TPO: variants seen among roughly 807,000 people sequenced by gnomAD.
The protein encoded by TPO is thyroid microsomal antigen.
In TPO, 78 loss-of-function variants were observed where a neutral mutation model predicts 96.9. The observed-to-expected ratio is 0.81, with a 90% CI of 0.67 to 0.97. The LOEUF (loss-of-function observed/expected upper bound fraction) is 0.97, where lower values mean the gene tolerates loss of function less well. Ranked by LOEUF, TPO falls within the 50% of genes least tolerant of loss-of-function variation. The pLI, the probability that TPO is intolerant of heterozygous loss-of-function variation, is 0.00. For missense variants in TPO, 1,252 were observed against 1,274.8 expected (o/e 0.98, Z 0.27); for synonymous variants, 547 against 538.0 (o/e 1.02, Z -0.23).
At chr2:1,444,175 CTCCTTCTTGTT>C (rs1307648091) in intron 5 of TPO, among the ~76,000 whole-genome samples, 2 of 131,046 alleles carry the variant, frequency 1.5e-5, no homozygotes, top group Admixed American at 1.5e-4. Flanking sequence ...ATGGGGCAGG[CTCCTTCTTGTT>C]TATATGATCC....
Position 1,477,239 on chromosome 2 carries a change from G to T in TPO, c.973G>T (p.Asp325Tyr), listed in dbSNP as rs779278018. The stretch of plus-strand genomic sequence containing the variant: ...GATGAACGGGTTGACCTCGTTCCTG[G>T]ACGCGTCCACCGTGTATGGCAGCTC... ...QQMNGLTSFL[D>Y]ASTVYGSSPA... The change falls in exon 8 of 17, where the codon GAC becomes TAC. Residue 325 changes from aspartate to tyrosine, a missense_variant. Coordinates refer to ENST00000329066, the MANE Select transcript of TPO (RefSeq NM_001206744.2). 6.2e-7 allele frequency: 1 copy of T among 1,608,704 alleles called. No homozygotes were observed. The highest frequency in any genetic ancestry group is 2.2e-5 in the East Asian group (1 of 44,666).
chr2:1,512,631 C>T (rs1674276635), intron 14 of TPO, among the ~76,000 whole-genome samples: 2 of 152,356 alleles, frequency 1.3e-5, no homozygotes, highest in African/African-American at 4.8e-5. Flanking sequence ...AAGCAGCTGG[C>T]TGCCTCCGAG....
chr2:1,474,560 T>C (rs10177597), intron 7 of TPO, among the ~76,000 whole-genome samples: 80,061 of 152,082 alleles, frequency 0.53, 21,194 homozygotes, highest in African/African-American at 0.6. Flanking sequence ...CCACCGTCAA[T>C]GCCATCTGAC....
intron 2 of TPO, among the ~76,000 whole-genome samples, chr2:1,422,181 A>G (rs981865691): frequency 3.9e-5 from 6 of 152,208 alleles, no homozygotes; most frequent in African/African-American, 1.4e-4. Context: ...TGGGTGGCCA[A>G]TGGAACAGAC....
chr2:1,394,916 T>C (rs2148364217), intron 1 of TPO, among the ~76,000 whole-genome samples: 1 of 152,244 alleles, frequency 6.6e-6, no homozygotes, highest in African/African-American at 2.4e-5. Flanking sequence ...GATTCCAGGC[T>C]CCTAGTCACC....
chr2:1,376,429 T>A (rs1367827474), intron 1 of TPO, among the ~76,000 whole-genome samples: 3 of 152,224 alleles, frequency 2.0e-5, no homozygotes, highest in Non-Finnish European at 2.9e-5. Flanking sequence ...AGATTCAATT[T>A]CCACTTAGCC....
At chr2:1,481,513 G>A (rs749686322) in intron 8 of TPO, among the ~76,000 whole-genome samples, 16 of 152,194 alleles carry the variant, frequency 1.1e-4, no homozygotes, top group Admixed American at 1.3e-4. Flanking sequence ...TGCTTTGGAT[G>A]TGTGTGGAGG....
At chr2:1,390,527 T>A (rs922445155) in intron 1 of TPO, among the ~76,000 whole-genome samples, 1 of 152,206 alleles carries the variant, frequency 6.6e-6, no homozygotes, top group African/African-American at 2.4e-5. Flanking sequence ...TGATTTATAA[T>A]CCTTTGGGAA....
At chr2:1,476,202 G>C (rs1303549820) in intron 7 of TPO, among the ~76,000 whole-genome samples, 1 of 152,182 alleles carries the variant, frequency 6.6e-6, no homozygotes, top group African/African-American at 2.4e-5. Flanking sequence ...TTCAGGAAGA[G>C]TCTCTTTCGG....
chr2:1,530,202 TC>T (rs1558421619), intron 15 of TPO, among the ~76,000 whole-genome samples: 2 of 10,192 alleles, frequency 2.0e-4, no homozygotes, highest in South Asian at 5.5e-3. Flanking sequence ...CCCAAATCCC[TC>T]CCACTGTGTG....
chr2:1,523,018 CAACTCTGTG>C (rs1675524065), intron 15 of TPO, among the ~76,000 whole-genome samples: 2 of 148,564 alleles, frequency 1.3e-5, no homozygotes, highest in East Asian at 2.0e-4. Context: ...CAGATCCCCC[CAACTCTGTG>C]CAACCTCCCC....
chr2:1,426,154 A>G (rs1204036626), intron 3 of TPO, among the ~76,000 whole-genome samples: 10 of 140,796 alleles, frequency 7.1e-5, no homozygotes, highest in Middle Eastern at 4.6e-3. Context: ...TCTAGATGCC[A>G]GGATACAGAG....
At chr2:1,512,746 A>T (rs1674292104) in intron 14 of TPO, among the ~76,000 whole-genome samples, 2 of 152,148 alleles carry the variant, frequency 1.3e-5, no homozygotes, top group African/African-American at 4.8e-5. Context: ...CTGATGGTGG[A>T]CGATGGTGGA....
At chr2:1,521,676 A>C (rs903593074) in intron 15 of TPO, among the ~76,000 whole-genome samples, 7 of 152,122 alleles carry the variant, frequency 4.6e-5, no homozygotes, top group Non-Finnish European at 8.8e-5. Flanking sequence ...TAGAGTGGCC[A>C]GCCTGGGCTA....
At chr2:1,537,477 CTT>C (rs56201317) in intron 15 of TPO, among the ~76,000 whole-genome samples, 5,529 of 109,752 alleles carry the variant, frequency 0.05, 8 homozygotes, top group African/African-American at 0.054. Flanking sequence ...TCCTCAAATT[CTT>C]CCACTCTGTG....
chr2:1,405,106 A>T (rs920662640), intron 1 of TPO, among the ~76,000 whole-genome samples: 1 of 96,508 alleles, frequency 1.0e-5, no homozygotes. Flanking sequence ...CCATCCACCC[A>T]TTCAATCATC....
intron 5 of TPO, chr2:1,439,174 G>T: frequency 3.6e-6 from 1 of 275,512 alleles, no homozygotes. Flanking sequence ...CTCTGCCCCA[G>T]CTGCTGGGCG....
At chr2:1,534,999 C>T (rs1261417762) in intron 15 of TPO, among the ~76,000 whole-genome samples, 1 of 146,464 alleles carries the variant, frequency 6.8e-6, no homozygotes, top group Non-Finnish European at 1.5e-5. Flanking sequence ...TGCAATTTCC[C>T]TAAATCGCCG....
chr2:1,374,731 T>A (rs1397871097), intron 1 of TPO, among the ~76,000 whole-genome samples: 2 of 150,744 alleles, frequency 1.3e-5, no homozygotes, highest in East Asian at 1.9e-4. Context: ...CTTTCTTTTT[T>A]TTTTTTTTTT....
Sources: gnomAD v4.1 joint callset for allele counts (sites outside exome capture counted in the v4.1 genomes callset) on GRCh38, gnomAD v4.1.1 for gene constraint, MANE v1.5 for transcripts, NCBI Gene and HGNC (gene_info 2026-07-23, HGNC 2026-07-21) for gene names.